GAS2: variants seen among roughly 807,000 people sequenced by gnomAD.
GAS2 encodes the protein growth arrest specific 2.
Under a neutral mutation model 37.5 loss-of-function variants are expected in GAS2, and 20 were observed. The observed-to-expected ratio is 0.53, with a 90% CI of 0.37 to 0.77. GAS2 has a LOEUF of 0.77. GAS2 is among the 30% of genes least tolerant of loss of function. The probability of loss-of-function intolerance (pLI) is 0.00; values close to 1 mark genes in which losing one functional copy is unlikely to be tolerated. For missense variants in GAS2, 336 were observed against 373.4 expected (o/e 0.90, Z 0.82); for synonymous variants, 144 against 132.2 (o/e 1.09, Z -0.61).
chr11:22,728,290 A>T (rs769150239), intron 4 of GAS2, among the ~76,000 whole-genome samples: 14 of 151,980 alleles, frequency 9.2e-5, no homozygotes, highest in Admixed American at 2.6e-4. Flanking sequence ...TCTGCTAGAA[A>T]TAGCACTATA....
intron 1 of GAS2, among the ~76,000 whole-genome samples, chr11:22,659,955 G>A (rs1200262323): frequency 2.0e-5 from 3 of 151,994 alleles, no homozygotes; most frequent in Non-Finnish European, 4.4e-5. Context: ...GGAAGGAAAG[G>A]AAAGCTCTGT....
intron 3 of GAS2, among the ~76,000 whole-genome samples, chr11:22,701,118 A>T (rs1311915980): frequency 6.6e-6 from 1 of 152,204 alleles, no homozygotes; most frequent in African/African-American, 2.4e-5. Flanking sequence ...GAGAATCAGA[A>T]TTCTAGTACT....
At chr11:22,788,511 A>G (rs565813161) in intron 7 of GAS2, among the ~76,000 whole-genome samples, 33 of 152,256 alleles carry the variant, frequency 2.2e-4, no homozygotes, top group Admixed American at 1.3e-3. Context: ...TGAGAACCAA[A>G]AAGGTCTGCA....
chr11:22,782,766 C>CTT (rs34122574), intron 7 of GAS2, among the ~76,000 whole-genome samples: 8 of 113,836 alleles, frequency 7.0e-5, no homozygotes, highest in East Asian at 5.1e-4. Context: ...TGATTTTGTT[C>CTT]TTTTTTTTTT....
At chr11:22,765,091 C>T (rs936152620) in intron 7 of GAS2, among the ~76,000 whole-genome samples, 1 of 152,174 alleles carries the variant, frequency 6.6e-6, no homozygotes, top group Non-Finnish European at 1.5e-5. Context: ...CTATAATCTG[C>T]ATTCCCGATT....
chr11:22,695,411 C>T (rs1358734830), intron 3 of GAS2, among the ~76,000 whole-genome samples: 3 of 152,130 alleles, frequency 2.0e-5, no homozygotes, highest in Admixed American at 1.3e-4. Flanking sequence ...AATTGATATA[C>T]TTTTCTTAAC....
At chr11:22,802,835 A>C (rs1217291904) in intron 7 of GAS2, among the ~76,000 whole-genome samples, 2 of 152,154 alleles carry the variant, frequency 1.3e-5, no homozygotes, top group Non-Finnish European at 2.9e-5. Context: ...ACAGATTTTT[A>C]CTGTACTTTT....
chr11:22,681,855 T>G (rs1392381952), intron 2 of GAS2, among the ~76,000 whole-genome samples: 1 of 152,096 alleles, frequency 6.6e-6, no homozygotes. Flanking sequence ...AAAATACTGT[T>G]GATAATATTA....
chr11:22,709,674 G>C (rs1357013182), intron 3 of GAS2, among the ~76,000 whole-genome samples: 2 of 152,070 alleles, frequency 1.3e-5, no homozygotes, highest in South Asian at 2.1e-4. Flanking sequence ...TATACCCAAA[G>C]GACTATAAAT....
intron 3 of GAS2, among the ~76,000 whole-genome samples, chr11:22,718,570 G>A (rs1478969162): frequency 6.6e-6 from 1 of 151,894 alleles, no homozygotes; most frequent in Non-Finnish European, 1.5e-5. Flanking sequence ...ATTGTACACT[G>A]CTCAAGTGAT....
At chr11:22,796,274 T>C (rs1413991928) in intron 7 of GAS2, among the ~76,000 whole-genome samples, 7 of 152,258 alleles carry the variant, frequency 4.6e-5, no homozygotes, top group Admixed American at 2.6e-4. Context: ...CCTCACCTGA[T>C]GGAGGTACCT....
At chr11:22,810,555 A>G (rs994120387) in intron 7 of GAS2, among the ~76,000 whole-genome samples, 1 of 152,234 alleles carries the variant, frequency 6.6e-6, no homozygotes, top group Non-Finnish European at 1.5e-5. Context: ...CAGTAGAAAT[A>G]CATTTAATTC....
intron 7 of GAS2, among the ~76,000 whole-genome samples, chr11:22,775,587 G>A (rs78305648): frequency 0.031 from 4,719 of 151,962 alleles, 86 homozygotes; most frequent in Non-Finnish European, 0.046. Context: ...AAAATTGTGG[G>A]CTACTCACAG....
At chr11:22,750,233 T>A (rs1490949658) in intron 6 of GAS2, among the ~76,000 whole-genome samples, 1 of 152,064 alleles carries the variant, frequency 6.6e-6, no homozygotes, top group Non-Finnish European at 1.5e-5. Flanking sequence ...TGAAAAGGAC[T>A]GGTGGTCCAT....
At chr11:22,729,870 A>G (rs771454195) in intron 4 of GAS2, among the ~76,000 whole-genome samples, 30 of 151,818 alleles carry the variant, frequency 2.0e-4, no homozygotes, top group Non-Finnish European at 2.9e-4. Flanking sequence ...AAAATTGGAA[A>G]TTGGCATGCT....
chr11:22,659,350 C>G (rs1237320261), intron 1 of GAS2, among the ~76,000 whole-genome samples: 2 of 152,184 alleles, frequency 1.3e-5, no homozygotes, highest in African/African-American at 4.8e-5. Context: ...GCAACCCCTC[C>G]CCTTTAAGAG....
intron 1 of GAS2, among the ~76,000 whole-genome samples, chr11:22,635,535 C>T (rs1445571445): frequency 6.6e-6 from 1 of 152,226 alleles, no homozygotes; most frequent in East Asian, 1.9e-4. Context: ...TAAGCCTTCC[C>T]TACCAAGACA....
intron 2 of GAS2, among the ~76,000 whole-genome samples, chr11:22,675,233 C>T (rs1849370159): frequency 6.6e-6 from 1 of 152,170 alleles, no homozygotes; most frequent in South Asian, 2.1e-4. Context: ...ATATGATGCA[C>T]TCAAATGTGG....
chr11:22,754,989 T>G (rs1000822109), intron 6 of GAS2, among the ~76,000 whole-genome samples: 2 of 152,098 alleles, frequency 1.3e-5, no homozygotes, highest in African/African-American at 4.8e-5. Context: ...TTTGGGTTGT[T>G]TGGTTGGTTG....
Sources: gnomAD v4.1 joint callset for allele counts (sites outside exome capture counted in the v4.1 genomes callset) on GRCh38, gnomAD v4.1.1 for gene constraint, MANE v1.5 for transcripts, NCBI Gene and HGNC (gene_info 2026-07-23, HGNC 2026-07-21) for gene names.